The following EIF3B variants were observed in gnomAD, a reference collection of about 807,000 sequenced individuals.
The protein encoded by EIF3B is eukaryotic translation initiation factor 3 subunit 9.
Under a neutral mutation model 104.6 loss-of-function variants are expected in EIF3B, and 10 were observed. The observed-to-expected ratio is 0.10, with a 90% CI of 0.06 to 0.16. The LOEUF is 0.16. EIF3B is among the 10% of genes least tolerant of loss of function. The probability of loss-of-function intolerance (pLI) is 1.00; values close to 1 mark genes in which losing one functional copy is unlikely to be tolerated. For missense variants in EIF3B, 1,014 were observed against 1,087.9 expected (o/e 0.93, Z 0.96); for synonymous variants, 542 against 417.2 (o/e 1.30, Z -3.65).
intron 11 of EIF3B, among the ~76,000 whole-genome samples, chr7:2,372,394 G>A (rs541353052): frequency 3.9e-5 from 6 of 152,316 alleles, no homozygotes; most frequent in African/African-American, 1.4e-4. Flanking sequence ...GGCATCCACA[G>A]CTGCTGACAA....
intron 6 of EIF3B, among the ~76,000 whole-genome samples, chr7:2,365,500 C>T (rs1198207714): frequency 6.6e-6 from 1 of 152,134 alleles, no homozygotes; most frequent in Non-Finnish European, 1.5e-5. Flanking sequence ...TTGTAAGGGA[C>T]CGTCTGTTAC....
chr7:2,362,929 C>G (rs1779817477), intron 3 of EIF3B, 141 bp from the exon 4 acceptor site: 16 of 1,422,956 alleles, frequency 1.1e-5, no homozygotes, highest in Admixed American at 3.5e-5. Context: ...CACTTCTGGC[C>G]TACAGCACCC....
intron 18 of EIF3B, chr7:2,379,989 T>G (rs754088511): frequency 7.7e-6 from 2 of 258,206 alleles, no homozygotes; most frequent in Non-Finnish European, 1.5e-5. Flanking sequence ...TGGGCACATG[T>G]GGGACAGAAG....
intron 10 of EIF3B, among the ~76,000 whole-genome samples, chr7:2,371,144 G>A (rs189491887): frequency 6.6e-6 from 1 of 152,298 alleles, no homozygotes; most frequent in East Asian, 1.9e-4. Context: ...CCCAGCTCCT[G>A]GCATCACGAA....
chr7:2,362,024 A>G (rs908498638), intron 2 of EIF3B, among the ~76,000 whole-genome samples: 4 of 152,062 alleles, frequency 2.6e-5, no homozygotes, highest in South Asian at 2.1e-4. Flanking sequence ...CAGTGGCACG[A>G]TCTTGGCTCA....
chr7:2,369,990 T>G (rs1332514658), intron 10 of EIF3B, among the ~76,000 whole-genome samples: 2 of 152,016 alleles, frequency 1.3e-5, no homozygotes, highest in African/African-American at 4.8e-5. Context: ...TTGGCCAGGC[T>G]GGTCTTGAAC....
At chr7:2,359,326 T>C (rs773603025) in intron 1 of EIF3B, among the ~76,000 whole-genome samples, 6 of 152,154 alleles carry the variant, frequency 3.9e-5, no homozygotes, top group Non-Finnish European at 7.4e-5. Context: ...TGGGACCTTT[T>C]AGGTCTCCCC....
intron 8 of EIF3B, 79 bp from the exon 9 acceptor site, chr7:2,366,920 C>T (rs1461843811): frequency 3.4e-6 from 5 of 1,461,938 alleles, no homozygotes; most frequent in Non-Finnish European, 4.8e-6. Context: ...ACTCTTGTTT[C>T]CTTTTGTAAA....
At position 2,363,101 on chromosome 7, in the gene EIF3B, C is replaced by G; in HGVS notation, c.844C>G (p.Pro282Ala). Residue 282 changes from proline (P) to alanine (A), a missense_variant, in exon 4 of 19, where the codon CCA becomes GCA. Around this residue, in one of 4 missense-constraint regions of EIF3B, gnomAD observed 488 missense variants for 404.3 expected, o/e 1.21. Transcript: ENST00000360876. The stretch of plus-strand genomic sequence containing the variant: ...GACGATCAGTGACGAGTGGGATATT[C>G]CAGAGAAACAGCCTTTCAAAGACCT... Reference protein sequence around the residue: ...YMTISDEWDIPEKQPFKDLGN... With the variant: ...YMTISDEWDIAEKQPFKDLGN... 3 of 1,613,998 alleles carry G rather than the reference C, an allele frequency of 1.9e-6. No individual in the cohort carries two copies. Among genetic ancestry groups the G allele is most frequent in the Non-Finnish European group, 2.5e-6 (3 of 1,179,996 alleles).
In EIF3B at chr7:2,362,688, G is replaced by T. The variant is rs1353237676; in HGVS notation, c.736G>T (p.Ala246Ser). 1.9e-6 allele frequency: 3 copies of T among 1,614,246 alleles called. No homozygotes were observed. Among genetic ancestry groups the T allele is most frequent in the South Asian group, 2.2e-5 (2 of 91,088 alleles). ...CGCGTCCCCTGCCCACGCTGTGGATGCTGTGAAGAACGCCGACGGCTACAA... is the reference window on the plus strand; with the variant it reads ...CGCGTCCCCTGCCCACGCTGTGGATTCTGTGAAGAACGCCGACGGCTACAA... ...EYASPAHAVD[A>S]VKNADGYKLD... The change falls in exon 3 of 19, where the codon GCT (alanine) becomes TCT (serine). Residue 246 changes from alanine (A) to serine (S), a missense_variant. Transcript: ENST00000360876.
chr7:2,355,058 CGGGGACCGAGGCCTCCAGTGAGGAGGT>C lies in EIF3B; in HGVS notation c.143_169del (p.Thr48_Gly56del), dbSNP rs987127423. ...GCGGGGCCCGGCGCTCCGGAGGCCG[CGGGGACCGAGGCCTCCAGTGAGGAGGT>C]GGGGATCGCGGAGGCCGGGCCGGAG... On this transcript the variant is annotated inframe_deletion, in exon 1 of 19. Coordinates refer to ENST00000360876, the MANE Select transcript of EIF3B (RefSeq NM_001037283.2). 5.2e-5 allele frequency: 64 copies of C among 1,227,758 alleles called. No homozygotes were observed. Among genetic ancestry groups the C allele is most frequent in the Middle Eastern group, 3.2e-4 (1 of 3,174 alleles). 76.1% of individuals were successfully genotyped at this position (1,227,758 alleles called of 1,614,324 possible).
At position 2,355,330 on chromosome 7, in the gene EIF3B, G is replaced by A. The variant is rs1319514497; in HGVS notation, c.409G>A (p.Glu137Lys). 18 of 1,541,256 alleles carry A rather than the reference G, an allele frequency of 1.2e-5. No individual in the cohort carries two copies. Among genetic ancestry groups the A allele is most frequent in the Admixed American group, 1.9e-5 (1 of 51,364 alleles). ...DAGGNEGRAA[E>K]AEPRALENGD... ...GGGAGGAAACGAGGGCAGAGCGGCC[G>A]AGGCCGAACCCCGGGCGCTGGAGAA... The change falls in exon 1 of 19, where the codon GAG (glutamate) becomes AAG (lysine). Residue 137 changes from glutamate (E) to lysine (K), a missense_variant. Coordinates refer to ENST00000360876, the MANE Select transcript of EIF3B (RefSeq NM_001037283.2).
chr7:2,355,239 G>C lies in EIF3B; in HGVS notation c.318G>C (p.Glu106Asp), dbSNP rs1779337553. 3 of 1,514,582 alleles carry C rather than the reference G, an allele frequency of 2.0e-6. No homozygotes were observed. Among genetic ancestry groups the C allele is most frequent in the South Asian group, 1.2e-5 (1 of 81,896 alleles). The allele number at this position is 1,514,582 out of a possible 1,614,324, so 93.8% of individuals were successfully genotyped here. ...AGCCCCCTGTCCCGGCACAGGGCGA[G>C]GCCCCAGGAGAGCAGGCTCGGGACG... ...HAEPPVPAQG[E>D]APGEQARDER... The change falls in exon 1 of 19, where the codon GAG becomes GAC. Residue 106 changes from glutamate (E) to aspartate (D), a missense_variant. This residue lies in a region of EIF3B where 488 missense variants were observed against 404.3 expected (regional missense o/e 1.21). Coordinates refer to ENST00000360876, the MANE Select transcript of EIF3B (RefSeq NM_001037283.2).
At chr7:2,372,875 G>C in intron 12 of EIF3B, 80 bp downstream of exon 12, 2 of 1,532,086 alleles carry the variant, frequency 1.3e-6, no homozygotes. Context: ...GTGAGCATTT[G>C]ACTGGCCTAG....
Position 2,360,921 on chromosome 7 carries a change from G to A in EIF3B, c.692+19G>A. The stretch of plus-strand genomic sequence containing the variant: ...CAAAAGGGTGAGTGTTCTCCTGTTG[G>A]AGAAGTATCATCTGTGTCTGGCACG... On this transcript the variant is annotated intron_variant, in intron 2 of 18. Transcript: ENST00000360876. The A allele has an allele frequency of 1.3e-6, 2 of 1,585,444 alleles. No homozygotes were observed. Among genetic ancestry groups the A allele is most frequent in the Non-Finnish European group, 1.7e-6 (2 of 1,156,152 alleles).
chr7:2,355,363 G>A lies in EIF3B; in HGVS notation c.442G>A (p.Ala148Thr). The A allele has an allele frequency of 6.5e-7, 1 of 1,537,276 alleles. No homozygotes were observed. ...AEPRALENGDADEPSFSDPED... is the reference protein window; with the variant it reads ...AEPRALENGDTDEPSFSDPED... The stretch of plus-strand genomic sequence containing the variant: ...ACCCCGGGCGCTGGAGAACGGCGAC[G>A]CGGACGAGCCCTCCTTCAGCGACCC... Residue 148 changes from alanine (A) to threonine (T), a missense_variant, in exon 1 of 19, where the codon GCG becomes ACG. Transcript: ENST00000360876.
At chr7:2,378,890 T>TC (rs1303804120) in intron 16 of EIF3B, 124 bp downstream of exon 16, 35 of 924,772 alleles carry the variant, frequency 3.8e-5, no homozygotes, top group Non-Finnish European at 3.5e-5. Context: ...CTGGTTCTGT[T>TC]CCCCCCCAGG....
At chr7:2,367,825 A>ATT (rs71026506) in intron 9 of EIF3B, among the ~76,000 whole-genome samples, 949 of 60,240 alleles carry the variant, frequency 0.016, 14 homozygotes, top group Middle Eastern at 0.045. Context: ...TTTTTTTAAA[A>ATT]TTTTTTTTTT....
rs757319830 is a variant in EIF3B at position 2,369,621 on chromosome 7, A to G, written c.1553A>G (p.His518Arg). Residue 518 changes from histidine to arginine, a missense_variant, in exon 10 of 19, where the codon CAT becomes CGT. His to Arg is a conservative substitution (Grantham distance 29, BLOSUM62 0). Coordinates refer to ENST00000360876, the MANE Select transcript of EIF3B (RefSeq NM_001037283.2). ...NLFNVVDCKL[H>R]WQKNGDYLCV... ...TTCAATGTGGTGGACTGCAAGCTCC[A>G]TTGGCAGAAGAACGGAGACTACTTG... 7 of 1,614,084 alleles carry G rather than the reference A, an allele frequency of 4.3e-6. No homozygotes were observed. The Admixed American group carries it at 1.0e-4, about 23-fold the overall frequency.
Sources: allele counts gnomAD v4.1 joint callset (sites outside exome capture counted in the v4.1 genomes callset), GRCh38; gene constraint gnomAD v4.1.1; regional missense constraint gnomAD v4.1.1; transcripts MANE v1.5; gene names NCBI Gene and HGNC (gene_info 2026-07-23, HGNC 2026-07-21).